ANOS1: variants seen among roughly 807,000 people sequenced by gnomAD.
The protein encoded by ANOS1 is anosmin-1.
ANOS1 carries 6 observed loss-of-function variants against 59.0 expected under a neutral mutation model. The ratio of observed to expected loss-of-function variants is 0.10; its 90% CI spans 0.06 to 0.20. ANOS1 has a LOEUF of 0.20. Ranked by LOEUF, ANOS1 falls within the 10% of genes least tolerant of loss-of-function variation. The probability of loss-of-function intolerance (pLI) is 1.00; values close to 1 mark genes in which losing one functional copy is unlikely to be tolerated. For synonymous variants in ANOS1, 217 were observed against 223.4 expected (o/e 0.97, Z 0.25); for missense variants, 433 against 542.3 (o/e 0.80, Z 2.00).
Position 8,688,164 on chromosome X carries a change from C to T in ANOS1, c.255+11534G>A, listed in dbSNP as rs185909632. Among the ~76,000 whole-genome samples, 3 of 112,100 alleles carry T rather than the reference C, an allele frequency of 2.7e-5. No individual in the cohort carries two copies. The Admixed American group carries it at 2.8e-4, about 11-fold the overall frequency. ...CCAGTAGAGAATATTTTGACAGTGA[C>T]TGTCACGGCAGAGATAAAGCAACAT... On this transcript the variant is annotated intron_variant, in intron 2 of 13. Transcript: ENST00000262648.
At chrX:8,720,650 T>G (rs1403597910) in intron 1 of ANOS1, among the ~76,000 whole-genome samples, 2 of 111,624 alleles carry the variant, frequency 1.8e-5, no homozygotes, top group Admixed American at 1.9e-4. Flanking sequence ...ACCTGTGATC[T>G]CAGTACTTTG....
intron 9 of ANOS1, among the ~76,000 whole-genome samples, chrX:8,545,409 A>AAGGAAGGAAGGCAGGC (rs745936247): frequency 9.6e-6 from 1 of 104,590 alleles, no homozygotes; most frequent in East Asian, 3.1e-4. Flanking sequence ...GGAAGGAAGG[A>AAGGAAGGAAGGCAGGC]AGGCAGGCAG....
At chrX:8,543,736 T>C (rs1485334550) in intron 9 of ANOS1, among the ~76,000 whole-genome samples, 2 of 110,718 alleles carry the variant, frequency 1.8e-5, no homozygotes, top group African/African-American at 6.6e-5. Flanking sequence ...TGGTGGCACA[T>C]GCTTGTAATC....
intron 7 of ANOS1, 96 bp downstream of exon 7, chrX:8,570,403 A>T (rs1930207800): frequency 1.4e-6 from 1 of 697,061 alleles, no homozygotes; most frequent in Admixed American, 2.6e-5. Context: ...CATCCATGGC[A>T]TCTCTCAGTT....
intron 2 of ANOS1, among the ~76,000 whole-genome samples, chrX:8,695,972 G>A (rs1240603400): frequency 3.6e-5 from 4 of 111,836 alleles, no homozygotes; most frequent in East Asian, 2.8e-4. Flanking sequence ...AGATGAAGCC[G>A]AGATTAATTT....
At chrX:8,648,593 AT>A (rs1931800107) in intron 2 of ANOS1, among the ~76,000 whole-genome samples, 1 of 112,207 alleles carries the variant, frequency 8.9e-6, no homozygotes, top group African/African-American at 3.2e-5. Context: ...CTAGTCTAAA[AT>A]AATGACAATC....
chrX:8,629,404 T>C (rs1013499652), intron 2 of ANOS1, among the ~76,000 whole-genome samples: 1 of 111,464 alleles, frequency 9.0e-6, no homozygotes, highest in Non-Finnish European at 1.9e-5. Context: ...AAAGGGTATT[T>C]TCCATGATAA....
At chrX:8,597,947 G>C (rs1930773442) in intron 3 of ANOS1, among the ~76,000 whole-genome samples, 1 of 110,870 alleles carries the variant, frequency 9.0e-6, no homozygotes, top group Non-Finnish European at 1.9e-5. Context: ...TGGGATTGCA[G>C]GCATGAGCCA....
intron 9 of ANOS1, among the ~76,000 whole-genome samples, chrX:8,543,558 G>C (rs1259544527): frequency 3.6e-5 from 4 of 110,728 alleles, no homozygotes; most frequent in Non-Finnish European, 5.7e-5. Flanking sequence ...TCTGTAACTA[G>C]AATATTAAAA....
chrX:8,593,294 A>G (rs994695488), intron 4 of ANOS1, among the ~76,000 whole-genome samples: 22 of 111,898 alleles, frequency 2.0e-4, no homozygotes, highest in African/African-American at 6.5e-4. Flanking sequence ...GACAGCAAAT[A>G]GTAGGCACTC....
At chrX:8,586,378 C>T (rs1930510007) in intron 5 of ANOS1, among the ~76,000 whole-genome samples, 1 of 112,304 alleles carries the variant, frequency 8.9e-6, no homozygotes, top group South Asian at 3.6e-4. Context: ...GGCTTTCTAC[C>T]TGATTTGGCA....
chrX:8,597,656 CCCTTTTTTTTTTTTTTTT>C (rs1930765687), intron 3 of ANOS1, among the ~76,000 whole-genome samples: 1 of 80,408 alleles, frequency 1.2e-5, no homozygotes, highest in South Asian at 8.2e-4. Context: ...TTTTCTTTCT[CCCTTTTTTTTTTTTTTTT>C]TTTTTTTTTT....
intron 2 of ANOS1, among the ~76,000 whole-genome samples, chrX:8,681,065 A>G (rs746129706): frequency 3.0e-4 from 33 of 111,246 alleles, no homozygotes; most frequent in East Asian, 8.6e-4. Context: ...CTTTCCCACA[A>G]TTTACTGCCC....
chrX:8,727,847 T>TGA (rs1162275376), intron 1 of ANOS1, among the ~76,000 whole-genome samples: 1 of 112,288 alleles, frequency 8.9e-6, no homozygotes, highest in East Asian at 2.8e-4. Flanking sequence ...TTAAGTGCTC[T>TGA]GATATTTACA....
intron 2 of ANOS1, among the ~76,000 whole-genome samples, chrX:8,689,657 G>A (rs961108860): frequency 9.1e-6 from 1 of 109,884 alleles, no homozygotes; most frequent in Non-Finnish European, 1.9e-5. Flanking sequence ...CCAGTGAGCC[G>A]AGATGGTGCC....
rs189199026 is a variant in ANOS1 at position 8,668,715 on chromosome X, A to C, written c.255+30983T>G. Among the ~76,000 whole-genome samples, 8 of 109,176 alleles carry C rather than the reference A, an allele frequency of 7.3e-5. No homozygotes were observed. The East Asian group carries it at 2.3e-3, about 31-fold the overall frequency. The allele number at this position is 109,176 out of a possible 115,157, so 94.8% of individuals were successfully genotyped here. A position where few individuals can be genotyped will look rare whatever the true frequency, so the allele number is the denominator to read the frequency against. On this transcript the variant is annotated intron_variant, in intron 2 of 13. Coordinates refer to ENST00000262648, the MANE Select transcript of ANOS1 (RefSeq NM_000216.4). ...TACTAAGTTAAAACAATAGCAATGA[A>C]AACCTCCACGTCTATAGTACCAGAA...
chrX:8,640,849 A>G (rs1931651790), intron 2 of ANOS1, among the ~76,000 whole-genome samples: 1 of 112,033 alleles, frequency 8.9e-6, no homozygotes, highest in South Asian at 3.7e-4. Context: ...GAAAGAAACC[A>G]GTGGGTAGGG....
chrX:8,576,681 G>T lies in ANOS1; in HGVS notation c.857-5977C>A, dbSNP rs976330578. On this transcript the variant is annotated intron_variant, in intron 6 of 13. Coordinates refer to ENST00000262648, the MANE Select transcript of ANOS1 (RefSeq NM_000216.4). Reference sequence around the variant, plus strand: ...AGGGGTCAGAGAGGTAAAGATATATGTCCAAGGTCATTCACATCATTGATG... The same window carrying T: ...AGGGGTCAGAGAGGTAAAGATATATTTCCAAGGTCATTCACATCATTGATG... Among the ~76,000 whole-genome samples, 7 of 110,305 alleles carry T rather than the reference G, an allele frequency of 6.3e-5. No homozygotes were observed. The Admixed American group carries it at 6.8e-4, about 11-fold the overall frequency.
chrX:8,663,875 G>A (rs1012045859), intron 2 of ANOS1, among the ~76,000 whole-genome samples: 3 of 112,019 alleles, frequency 2.7e-5, no homozygotes, highest in African/African-American at 9.8e-5. Context: ...AGAATACTAT[G>A]TAGCCATAAA....
Sources: gnomAD v4.1 joint callset for allele counts (sites outside exome capture counted in the v4.1 genomes callset) on GRCh38, gnomAD v4.1.1 for gene constraint, MANE v1.5 for transcripts, NCBI Gene and HGNC (gene_info 2026-07-23, HGNC 2026-07-21) for gene names.